The following RFX8 variants were observed in gnomAD, a reference collection of about 807,000 sequenced individuals.
RFX8 encodes DNA-binding protein RFX8.
A neutral mutation model predicts 54.6 loss-of-function variants in RFX8; 46 were observed. The ratio of observed to expected loss-of-function variants is 0.84; its 90% CI spans 0.67 to 1.08. The LOEUF (loss-of-function observed/expected upper bound fraction) is 1.08, where lower values mean the gene tolerates loss of function less well. Among genes scored for constraint, RFX8 ranks in the 50% least tolerant of loss-of-function variants. RFX8 has a pLI of 0.00. For synonymous variants in RFX8, 192 were observed against 209.5 expected, an observed-to-expected ratio of 0.92 and a Z score of 0.72; for missense variants, 536 against 562.3, an observed-to-expected ratio of 0.95 and a Z score of 0.47.
In RFX8 at chr2:101,418,789, A is replaced by G. The variant is rs1573386666; in HGVS notation, c.351+62T>C. On this transcript the variant is annotated intron_variant, in intron 5 of 11. Coordinates refer to ENST00000428343, the MANE Select transcript of RFX8 (RefSeq NM_001145664.2). ...CAGAGAGGTGGAGCTGTGGGTCCAA[A>G]CCCAGCATTTGCTGCCAATTTCTGC... 7.7e-6 allele frequency: 8 copies of G among 1,042,304 alleles called. No individual in the cohort carries two copies. The East Asian group carries it at 2.1e-4, about 27-fold the overall frequency. 64.6% of individuals were successfully genotyped at this position (1,042,304 alleles called of 1,614,324 possible). A position where few individuals can be genotyped will look rare whatever the true frequency, so the allele number is the denominator to read the frequency against.
At chr2:101,410,566 T>G in intron 9 of RFX8, 53 bp downstream of exon 9, 2 of 943,676 alleles carry the variant, frequency 2.1e-6, no homozygotes, top group Non-Finnish European at 3.3e-6. Flanking sequence ...TGGGCACTCA[T>G]TTATCTAGAA....
intron 2 of RFX8, among the ~76,000 whole-genome samples, chr2:101,424,365 A>C (rs903611189): frequency 4.6e-5 from 7 of 152,188 alleles, no homozygotes; most frequent in African/African-American, 1.2e-4. Context: ...AAGTCAGGAA[A>C]CAACAGGTGC....
At chr2:101,418,768 G>A (rs1686684876) in intron 5 of RFX8, 83 bp downstream of exon 5, 2 of 793,128 alleles carry the variant, frequency 2.5e-6, no homozygotes, top group Non-Finnish European at 2.2e-6. Context: ...AGACTGCAGA[G>A]AGGTGGAGCT....
At chr2:101,408,334 A>G (rs1477768776) in intron 9 of RFX8, among the ~76,000 whole-genome samples, 2 of 152,028 alleles carry the variant, frequency 1.3e-5, no homozygotes, top group Non-Finnish European at 2.9e-5. Context: ...AAATACAAAA[A>G]ATTAGCTGGG....
intron 2 of RFX8, among the ~76,000 whole-genome samples, chr2:101,461,598 A>T (rs1689284337): frequency 6.6e-6 from 1 of 152,098 alleles, no homozygotes; most frequent in South Asian, 2.1e-4. Flanking sequence ...GCAACATAAT[A>T]CTCTGTACAT....
intron 2 of RFX8, among the ~76,000 whole-genome samples, chr2:101,464,145 G>T (rs1465517276): frequency 1.3e-5 from 2 of 152,204 alleles, no homozygotes; most frequent in African/African-American, 4.8e-5. Flanking sequence ...GTGTGCATGA[G>T]TGAGTGTGCA....
chr2:101,454,526 A>T (rs1688863358), intron 2 of RFX8, among the ~76,000 whole-genome samples: 1 of 152,146 alleles, frequency 6.6e-6, no homozygotes, highest in Admixed American at 6.5e-5. Flanking sequence ...GTGTAAAAGC[A>T]TTCCTATTTC....
intron 2 of RFX8, among the ~76,000 whole-genome samples, chr2:101,428,472 G>A (rs1051571664): frequency 2.0e-5 from 3 of 152,198 alleles, no homozygotes; most frequent in African/African-American, 7.2e-5. Context: ...CTGGAACTGT[G>A]AGAAATAAAT....
intron 1 of RFX8, chr2:101,474,385 G>C: frequency 5.1e-6 from 2 of 388,778 alleles, no homozygotes; most frequent in Non-Finnish European, 9.1e-6. Context: ...ACTTTAGAAA[G>C]GAGCGCGCGG....
At chr2:101,429,815 C>T (rs1414597139) in intron 2 of RFX8, among the ~76,000 whole-genome samples, 1 of 152,172 alleles carries the variant, frequency 6.6e-6, no homozygotes, top group Non-Finnish European at 1.5e-5. Flanking sequence ...TGCTGTGCTT[C>T]TGGAAGCCGG....
At chr2:101,436,376 G>A (rs150638654) in intron 2 of RFX8, among the ~76,000 whole-genome samples, 3 of 152,230 alleles carry the variant, frequency 2.0e-5, no homozygotes, top group African/African-American at 7.2e-5. Context: ...CCAGAAAGAA[G>A]AGATAAAGAC....
intron 2 of RFX8, among the ~76,000 whole-genome samples, chr2:101,458,556 G>C (rs1014916055): frequency 1.3e-5 from 2 of 152,184 alleles, no homozygotes; most frequent in African/African-American, 4.8e-5. Context: ...CTTCTGGCTT[G>C]TAGGGTTTCT....
At chr2:101,452,840 C>T (rs759467950) in intron 2 of RFX8, among the ~76,000 whole-genome samples, 23 of 152,260 alleles carry the variant, frequency 1.5e-4, no homozygotes, top group Admixed American at 2.0e-4. Context: ...GGCATGGTGG[C>T]TCACGCCTGT....
At chr2:101,421,540 G>A (rs1686862691) in intron 4 of RFX8, 184 bp downstream of exon 4, 1 of 1,304,740 alleles carries the variant, frequency 7.7e-7, no homozygotes, top group East Asian at 3.0e-5. Context: ...ACTGAATATC[G>A]ATCTCACCTT....
At chr2:101,443,887 T>C (rs976699560) in intron 2 of RFX8, among the ~76,000 whole-genome samples, 1 of 152,082 alleles carries the variant, frequency 6.6e-6, no homozygotes, top group Admixed American at 6.5e-5. Flanking sequence ...CTGCCCACAG[T>C]AGCAGCTTCA....
intron 1 of RFX8, among the ~76,000 whole-genome samples, chr2:101,467,740 G>A (rs964191114): frequency 6.6e-6 from 1 of 152,100 alleles, no homozygotes. Flanking sequence ...CCTGGGGACA[G>A]CCAGGCGCCT....
At chr2:101,421,246 A>G (rs1686845992) in intron 4 of RFX8, 1 of 985,564 alleles carries the variant, frequency 1.0e-6, no homozygotes, top group Non-Finnish European at 1.2e-6. Context: ...GATGAAACTC[A>G]GAATAGCTGA....
chr2:101,429,451 T>C (rs753021858), intron 2 of RFX8, among the ~76,000 whole-genome samples: 35 of 152,214 alleles, frequency 2.3e-4, no homozygotes, highest in Non-Finnish European at 4.9e-4. Context: ...AATAGAGATG[T>C]AAATTTCATT....
At chr2:101,446,469 C>T (rs1472766446) in intron 2 of RFX8, among the ~76,000 whole-genome samples, 1 of 145,684 alleles carries the variant, frequency 6.9e-6, no homozygotes, top group African/African-American at 2.5e-5. Flanking sequence ...CCACCGCTCC[C>T]AGCCAAGTTG....
Sources: allele counts gnomAD v4.1 joint callset (sites outside exome capture counted in the v4.1 genomes callset), GRCh38; gene constraint gnomAD v4.1.1; transcripts MANE v1.5; gene names NCBI Gene and HGNC (gene_info 2026-07-23, HGNC 2026-07-21).